The following CPNE5 variants were observed in gnomAD, a reference collection of about 807,000 sequenced individuals.
CPNE5 encodes copine-5.
A neutral mutation model predicts 81.1 loss-of-function variants in CPNE5; 42 were observed. The ratio of observed to expected loss-of-function variants is 0.52; its 90% CI spans 0.40 to 0.67. CPNE5 has a LOEUF of 0.67. CPNE5 is among the 30% of genes least tolerant of loss of function. The pLI is 0.00. For synonymous variants in CPNE5, 313 were observed against 321.5 expected (o/e 0.97, Z 0.28); for missense variants, 612 against 815.5 (o/e 0.75, Z 3.04).
At chr6:36,824,016 G>C (rs1004281004) in intron 1 of CPNE5, among the ~76,000 whole-genome samples, 1 of 152,172 alleles carries the variant, frequency 6.6e-6, no homozygotes, top group African/African-American at 2.4e-5. Flanking sequence ...CTCTGGCTGG[G>C]AAGTCATTCA....
chr6:36,835,864 G>C (rs1229120926), intron 1 of CPNE5, among the ~76,000 whole-genome samples: 1 of 151,850 alleles, frequency 6.6e-6, no homozygotes, highest in Admixed American at 6.6e-5. Flanking sequence ...CAGACCCTGG[G>C]AGCCAGCTAT....
chr6:36,777,999 TC>T (rs1767703928), intron 9 of CPNE5, among the ~76,000 whole-genome samples: 1 of 151,906 alleles, frequency 6.6e-6, no homozygotes, highest in African/African-American at 2.4e-5. Context: ...CTAATTAACC[TC>T]CCTGGCCCCA....
At position 36,774,993 on chromosome 6, in the gene CPNE5, G is replaced by A. The variant is rs202081906; in HGVS notation, c.705C>T (p.Pro235=). The A allele has an allele frequency of 1.8e-5, 29 of 1,614,022 alleles. 1 individual carries two copies. The South Asian group carries it at 1.9e-4, about 10-fold the overall frequency. ...AGTCGCCGTTGCAGAGGGCTCTCAC[G>A]GGAATGGAGAAAGTTTGCCAGACTG... The part of the protein sequence containing the change: ...LNPVWQTFSI[P]VRALCNGDYD... Residue 235 remains proline, a synonymous_variant, in exon 10 of 21, where the codon CCC becomes CCT. Coordinates refer to ENST00000244751, the MANE Select transcript of CPNE5 (RefSeq NM_020939.2).
intron 12 of CPNE5, among the ~76,000 whole-genome samples, chr6:36,759,936 G>C (rs542146868): frequency 3.3e-5 from 5 of 152,140 alleles, no homozygotes; most frequent in African/African-American, 7.2e-5. Flanking sequence ...GCCAGGCGTG[G>C]TGGCTCACAC....
intron 3 of CPNE5, among the ~76,000 whole-genome samples, chr6:36,814,723 G>A (rs964011616): frequency 6.6e-6 from 1 of 152,168 alleles, no homozygotes; most frequent in African/African-American, 2.4e-5. Flanking sequence ...TGCTGTCCAG[G>A]AGGGTGCTCA....
intron 12 of CPNE5, among the ~76,000 whole-genome samples, chr6:36,761,354 C>T (rs1226375171): frequency 2.0e-5 from 3 of 152,236 alleles, no homozygotes; most frequent in African/African-American, 7.2e-5. Context: ...ATTCAGCATG[C>T]GAATGTATAA....
intron 10 of CPNE5, among the ~76,000 whole-genome samples, chr6:36,771,056 C>T (rs1418389239): frequency 6.6e-6 from 1 of 152,056 alleles, no homozygotes; most frequent in Non-Finnish European, 1.5e-5. Flanking sequence ...TTTGGGTCTT[C>T]CTCTTCCTTC....
intron 3 of CPNE5, among the ~76,000 whole-genome samples, chr6:36,802,424 C>T (rs560177439): frequency 6.6e-6 from 1 of 152,044 alleles, no homozygotes; most frequent in East Asian, 1.9e-4. Context: ...CCACTGCACT[C>T]CAGCTTGGGC....
At chr6:36,743,202 G>T (rs1488458943) in intron 20 of CPNE5, 24 of 985,360 alleles carry the variant, frequency 2.4e-5, no homozygotes, top group Non-Finnish European at 2.9e-5. Flanking sequence ...GCTTGCGGAG[G>T]GTGCATTCTT....
intron 3 of CPNE5, among the ~76,000 whole-genome samples, chr6:36,807,254 A>G (rs236400): frequency 0.55 from 83,627 of 152,068 alleles, 24,139 homozygotes; most frequent in African/African-American, 0.73. Flanking sequence ...TGCAGAGTCT[A>G]CGGCCAGGCC....
intron 10 of CPNE5, among the ~76,000 whole-genome samples, chr6:36,770,658 G>A (rs1766964875): frequency 6.6e-6 from 1 of 151,938 alleles, no homozygotes; most frequent in Admixed American, 6.6e-5. Context: ...CACCCACAGG[G>A]CCTCTCAGGG....
intron 11 of CPNE5, among the ~76,000 whole-genome samples, chr6:36,763,366 G>T (rs895905903): frequency 6.6e-6 from 1 of 152,176 alleles, no homozygotes; most frequent in Non-Finnish European, 1.5e-5. Flanking sequence ...ACTTTGGGAG[G>T]CCAAGGCGGG....
intron 1 of CPNE5, among the ~76,000 whole-genome samples, chr6:36,836,032 G>A (rs1235266206): frequency 6.6e-6 from 1 of 152,192 alleles, no homozygotes; most frequent in Non-Finnish European, 1.5e-5. Flanking sequence ...GCTTACCCAA[G>A]GTCATAGGAA....
At chr6:36,791,375 C>G (rs1348892088) in intron 8 of CPNE5, among the ~76,000 whole-genome samples, 1 of 152,158 alleles carries the variant, frequency 6.6e-6, no homozygotes, top group Non-Finnish European at 1.5e-5. Context: ...GCAGCGATAA[C>G]TTATGTAAAG....
chr6:36,751,263 A>G (rs983711304), intron 14 of CPNE5, among the ~76,000 whole-genome samples: 4 of 152,218 alleles, frequency 2.6e-5, no homozygotes, highest in Non-Finnish European at 4.4e-5. Context: ...ACCTCACAGC[A>G]TCCAGCCCTT....
chr6:36,798,429 G>A (rs1174773368), intron 5 of CPNE5, 26 bp downstream of exon 5: 4 of 1,610,342 alleles, frequency 2.5e-6, no homozygotes, highest in Non-Finnish European at 3.4e-6. Flanking sequence ...CTATGGAATT[G>A]CTGAGCAGTT....
chr6:36,801,615 C>A (rs928604564), intron 3 of CPNE5, among the ~76,000 whole-genome samples: 4 of 152,192 alleles, frequency 2.6e-5, no homozygotes, highest in African/African-American at 9.6e-5. Context: ...AATAGACTAT[C>A]ATTCAGCCTT....
intron 14 of CPNE5, 66 bp from the exon 15 acceptor site, chr6:36,748,333 G>T: frequency 7.0e-7 from 1 of 1,436,018 alleles, no homozygotes; most frequent in Non-Finnish European, 9.8e-7. Context: ...GGGGGACAGT[G>T]CTAGACATTG....
intron 20 of CPNE5, 29 bp downstream of exon 20, chr6:36,743,660 C>T (rs1471433755): frequency 6.2e-7 from 1 of 1,607,468 alleles, no homozygotes; most frequent in South Asian, 1.1e-5. Flanking sequence ...CTTGAATTTC[C>T]CATGGGGCAG....
Sources: allele counts gnomAD v4.1 joint callset (sites outside exome capture counted in the v4.1 genomes callset), GRCh38; gene constraint gnomAD v4.1.1; transcripts MANE v1.5; gene names NCBI Gene and HGNC (gene_info 2026-07-23, HGNC 2026-07-21).